Variants in RCAN2 observed in about 807,000 individuals in gnomAD.
RCAN2 encodes regulator of calcineurin 2.
In RCAN2, 9 loss-of-function variants were observed where a neutral mutation model predicts 23.6. The observed-to-expected ratio is 0.38, with a 90% confidence interval of 0.23 to 0.67. RCAN2 has a LOEUF of 0.67. Among genes scored for constraint, RCAN2 ranks in the 30% least tolerant of loss-of-function variants. The probability of loss-of-function intolerance (pLI) is 0.51; values close to 1 mark genes in which losing one functional copy is unlikely to be tolerated. For missense variants in RCAN2, 273 were observed against 302.3 expected, an observed-to-expected ratio of 0.90 and a Z score of 0.72; for synonymous variants, 109 against 115.7, an observed-to-expected ratio of 0.94 and a Z score of 0.37.
At chr6:46,373,886 T>C (rs1396186965) in intron 2 of RCAN2, among the ~76,000 whole-genome samples, 2 of 152,212 alleles carry the variant, frequency 1.3e-5, no homozygotes, top group Non-Finnish European at 2.9e-5. Context: ...TTGGATGTTT[T>C]AGGGGAAGTC....
intron 2 of RCAN2, among the ~76,000 whole-genome samples, chr6:46,276,993 G>A (rs1003636561): frequency 1.4e-4 from 22 of 152,214 alleles, no homozygotes; most frequent in African/African-American, 3.6e-4. Context: ...AGTACTATCC[G>A]GCCTTTATGT....
In RCAN2 at chr6:46,334,274, A is replaced by C. The variant is rs552301181; in HGVS notation, c.226-85378T>G. The stretch of plus-strand genomic sequence containing the variant: ...TTGTTATCTCCCTCCCTCCATGGAA[A>C]GCCAGCTCCTTGAGAAGCGGGCTCC... On this transcript the variant is annotated intron_variant, in intron 2 of 4. Coordinates refer to ENST00000371374, the MANE Select transcript of RCAN2 (RefSeq NM_001251974.2). 2.5e-4 allele frequency among the ~76,000 whole-genome samples: 38 copies of C among 152,342 alleles called. 1 individual carries two copies. Among genetic ancestry groups the C allele is most frequent in the Non-Finnish European group, 1.0e-4 (7 of 68,032 alleles).
rs1240948992 is a variant in RCAN2, at chr6:46,233,721, C to CTTTTTTTTTTTTTTTTTTTTTTT, written c.572-10421_572-10420insAAAAAAAAAAAAAAAAAAAAAAA. ...TCCCTGGCTGAGATGAAGAACACTT[C>CTTTTTTTTTTTTTTTTTTTTTTT]TTTTTTTTTTTTTTTTTTCTTGAGA... On this transcript the variant is annotated intron_variant, in intron 4 of 4. Coordinates refer to ENST00000371374, the MANE Select transcript of RCAN2 (RefSeq NM_001251974.2). 1.4e-4 allele frequency among the ~76,000 whole-genome samples: 18 copies of CTTTTTTTTTTTTTTTTTTTTTTT among 130,772 alleles called. 1 individual carries two copies. Among genetic ancestry groups the CTTTTTTTTTTTTTTTTTTTTTTT allele is most frequent in the Non-Finnish European group, 1.5e-4 (9 of 61,804 alleles). The allele number at this position is 130,772 out of a possible 152,430, so 85.8% of individuals were successfully genotyped here. A position where few individuals can be genotyped will look rare whatever the true frequency, so the allele number is the denominator to read the frequency against.
intron 2 of RCAN2, among the ~76,000 whole-genome samples, chr6:46,286,877 C>A (rs777628604): frequency 6.6e-6 from 1 of 151,986 alleles, no homozygotes; most frequent in Admixed American, 6.5e-5. Context: ...TGGTGGCACA[C>A]GCCCGTAATC....
chr6:46,241,556 G>A (rs1039122613), intron 4 of RCAN2, among the ~76,000 whole-genome samples: 1 of 152,194 alleles, frequency 6.6e-6, no homozygotes, highest in East Asian at 1.9e-4. Context: ...AAAAAGTAGA[G>A]AAATAAAATG....
chr6:46,461,806 G>A (rs895400622), intron 1 of RCAN2, among the ~76,000 whole-genome samples: 7 of 151,940 alleles, frequency 4.6e-5, no homozygotes, highest in Non-Finnish European at 7.4e-5. Context: ...GCCTGATCTC[G>A]AACTCCCGAC....
chr6:46,237,874 C>T (rs1766160232), intron 4 of RCAN2, among the ~76,000 whole-genome samples: 1 of 152,196 alleles, frequency 6.6e-6, no homozygotes, highest in Non-Finnish European at 1.5e-5. Context: ...CCAGGACCCA[C>T]AGTCTAAGTG....
chr6:46,373,927 T>C (rs950388479), intron 2 of RCAN2, among the ~76,000 whole-genome samples: 1 of 152,252 alleles, frequency 6.6e-6, no homozygotes, highest in African/African-American at 2.4e-5. Flanking sequence ...CCTAATGTTC[T>C]AGCCAACAGA....
intron 2 of RCAN2, among the ~76,000 whole-genome samples, chr6:46,314,434 T>C (rs923616935): frequency 1.3e-5 from 2 of 150,558 alleles, no homozygotes; most frequent in Admixed American, 1.3e-4. Context: ...TATAAGTTTA[T>C]AAGCAGCCAG....
chr6:46,278,485 T>TTA (rs1767787947), intron 2 of RCAN2, among the ~76,000 whole-genome samples: 1 of 152,148 alleles, frequency 6.6e-6, no homozygotes, highest in Admixed American at 6.5e-5. Context: ...GTTTTATATA[T>TTA]TTACTAAAAT....
Position 46,282,660 on chromosome 6 carries a change from C to T in RCAN2, c.226-33764G>A, listed in dbSNP as rs530703872. ...CTGTTTTTGGACCACTGATCTAGAG[C>T]TTAGGAGGAGACGTTCATCTTTATG... On this transcript the variant is annotated intron_variant, in intron 2 of 4. Transcript: ENST00000371374. 4.7e-4 allele frequency among the ~76,000 whole-genome samples: 72 copies of T among 152,292 alleles called. 3 individuals are homozygous for T. The South Asian group carries it at 0.014, about 30-fold the overall frequency.
chr6:46,450,541 C>T (rs1412860572), intron 2 of RCAN2, among the ~76,000 whole-genome samples: 3 of 151,968 alleles, frequency 2.0e-5, no homozygotes, highest in African/African-American at 7.2e-5. Context: ...ATGGACTTAA[C>T]CTAAGTGTTC....
chr6:46,267,030 A>C (rs544090330), intron 2 of RCAN2, among the ~76,000 whole-genome samples: 1 of 152,344 alleles, frequency 6.6e-6, no homozygotes, highest in East Asian at 1.9e-4. Flanking sequence ...AACAAACAAA[A>C]AAACAGGTCT....
chr6:46,322,811 A>G (rs1763659503), intron 2 of RCAN2, among the ~76,000 whole-genome samples: 1 of 152,246 alleles, frequency 6.6e-6, no homozygotes. Context: ...ATGAATGAAG[A>G]AGACAGATAC....
chr6:46,322,288 T>C (rs1267675421), intron 2 of RCAN2, among the ~76,000 whole-genome samples: 1 of 152,184 alleles, frequency 6.6e-6, no homozygotes, highest in Admixed American at 6.5e-5. Flanking sequence ...TATTGAGGGC[T>C]CTCAACTTCT....
chr6:46,295,928 G>A (rs1156892425), intron 2 of RCAN2, among the ~76,000 whole-genome samples: 1 of 151,932 alleles, frequency 6.6e-6, no homozygotes, highest in Admixed American at 6.6e-5. Flanking sequence ...TGGAAGCAAG[G>A]AAGTAGGCTA....
chr6:46,281,533 T>G (rs1332045507), intron 2 of RCAN2, among the ~76,000 whole-genome samples: 2 of 152,244 alleles, frequency 1.3e-5, no homozygotes, highest in Non-Finnish European at 2.9e-5. Context: ...AAGGGAGATT[T>G]GAATTATTTA....
intron 2 of RCAN2, among the ~76,000 whole-genome samples, chr6:46,270,107 T>C (rs760984487): frequency 6.6e-6 from 1 of 152,106 alleles, no homozygotes; most frequent in African/African-American, 2.4e-5. Flanking sequence ...ACACCCTGGA[T>C]GGGAAGACTG....
At chr6:46,346,547 G>A (rs1159493380) in intron 2 of RCAN2, among the ~76,000 whole-genome samples, 1 of 152,058 alleles carries the variant, frequency 6.6e-6, no homozygotes, top group African/African-American at 2.4e-5. Context: ...ACTAAATTAT[G>A]AGAAATCTAT....
Sources: gnomAD v4.1 joint callset for allele counts (sites outside exome capture counted in the v4.1 genomes callset) on GRCh38, gnomAD v4.1.1 for gene constraint, MANE v1.5 for transcripts, NCBI Gene and HGNC (gene_info 2026-07-23, HGNC 2026-07-21) for gene names.